The following LRRC4C variants were observed in gnomAD, a reference collection of about 807,000 sequenced individuals.
LRRC4C encodes the protein leucine rich repeat containing 4C.
A neutral mutation model predicts 33.6 loss-of-function variants in LRRC4C; 5 were observed. The ratio of observed to expected loss-of-function variants is 0.15; its 90% CI spans 0.08 to 0.31. The LOEUF (loss-of-function observed/expected upper bound fraction) is 0.31, where lower values mean the gene tolerates loss of function less well. Among genes scored for constraint, LRRC4C ranks in the 10% least tolerant of loss-of-function variants. The pLI is 1.00. For missense variants in LRRC4C, 560 were observed against 796.7 expected, an observed-to-expected ratio of 0.70 and a Z score of 3.58; for synonymous variants, 329 against 302.0, an observed-to-expected ratio of 1.09 and a Z score of -0.93.
At chr11:40,225,358 G>A (rs2135958459) in intron 5 of LRRC4C, among the ~76,000 whole-genome samples, 1 of 152,206 alleles carries the variant, frequency 6.6e-6, no homozygotes, top group Admixed American at 6.5e-5. Context: ...AGGGAAAATG[G>A]ACCTTTCCTA....
rs188830367 is a variant in LRRC4C, at chr11:40,764,698, C to T, written c.-406-116420G>A. On this transcript the variant is annotated intron_variant, in intron 2 of 6. Transcript: ENST00000528697. The stretch of plus-strand genomic sequence containing the variant: ...CCCAGTGGTGGTGGCCACAGGGGTG[C>T]TTGTGACACTACTCCCTACTCCAGG... Among the ~76,000 whole-genome samples the T allele has an allele frequency of 2.4e-4, 36 of 151,832 alleles. 1 individual carries two copies. The East Asian group carries it at 5.8e-3, about 25-fold the overall frequency.
intron 2 of LRRC4C, among the ~76,000 whole-genome samples, chr11:40,748,486 A>G (rs189511601): frequency 1.0e-3 from 156 of 152,218 alleles, no homozygotes; most frequent in African/African-American, 3.6e-3. Context: ...TGGTAAAGCA[A>G]ACACACAAAT....
At chr11:41,225,866 G>A (rs1472357734) in intron 1 of LRRC4C, among the ~76,000 whole-genome samples, 5 of 152,028 alleles carry the variant, frequency 3.3e-5, no homozygotes, top group African/African-American at 1.2e-4. Flanking sequence ...ACTATCACAG[G>A]AGGATATTTA....
chr11:40,438,927 T>C, intron 3 of LRRC4C, among the ~76,000 whole-genome samples: 1 of 48,358 alleles, frequency 2.1e-5, no homozygotes, highest in Non-Finnish European at 4.6e-5. Flanking sequence ...GAATTGCTAC[T>C]TTTTTTTTTT....
intron 2 of LRRC4C, among the ~76,000 whole-genome samples, chr11:40,890,441 G>A (rs1342168854): frequency 6.6e-6 from 1 of 152,140 alleles, no homozygotes; most frequent in Non-Finnish European, 1.5e-5. Context: ...ATCCACTCAT[G>A]AGGGCAAAGG....
At chr11:40,940,147 C>T (rs958594282) in intron 1 of LRRC4C, among the ~76,000 whole-genome samples, 3 of 152,126 alleles carry the variant, frequency 2.0e-5, no homozygotes, top group Admixed American at 2.0e-4. Context: ...TCCCTTTTTA[C>T]TCTACCTCAT....
At position 40,388,205 on chromosome 11, in the gene LRRC4C, T is replaced by C. The variant is rs190514710; in HGVS notation, c.-269-68484A>G. ...CCCTTTATAAAAAGGGGCAAAAAGA[T>C]GAGGCCCGGATAAGATGAATTATCA... On this transcript the variant is annotated intron_variant, in intron 3 of 6. Transcript: ENST00000528697. Among the ~76,000 whole-genome samples, 270 of 152,262 alleles carry C rather than the reference T, an allele frequency of 1.8e-3. 1 individual carries two copies. Among genetic ancestry groups the C allele is most frequent in the Middle Eastern group, 3.4e-3 (1 of 294 alleles).
intron 1 of LRRC4C, among the ~76,000 whole-genome samples, chr11:41,163,537 G>A (rs536731731): frequency 1.3e-5 from 2 of 151,476 alleles, no homozygotes; most frequent in East Asian, 1.9e-4. Context: ...GCTTACCTCG[G>A]CCTCCTAAAG....
chr11:40,556,757 C>T (rs1372892150), intron 3 of LRRC4C, among the ~76,000 whole-genome samples: 1 of 152,152 alleles, frequency 6.6e-6, no homozygotes, highest in African/African-American at 2.4e-5. Context: ...TCCACTTCAA[C>T]AGCTCAAATC....
chr11:40,357,951 G>A (rs552540128), intron 3 of LRRC4C, among the ~76,000 whole-genome samples: 37 of 152,208 alleles, frequency 2.4e-4, no homozygotes, highest in South Asian at 8.3e-4. Flanking sequence ...TTGGGAGGCC[G>A]AGGCAGGTGG....
At chr11:40,942,640 T>A (rs1958208873) in intron 1 of LRRC4C, among the ~76,000 whole-genome samples, 1 of 151,966 alleles carries the variant, frequency 6.6e-6, no homozygotes, top group African/African-American at 2.4e-5. Flanking sequence ...GCAAGGTGAG[T>A]TATACAAAGT....
intron 1 of LRRC4C, among the ~76,000 whole-genome samples, chr11:41,341,979 G>A (rs1951654793): frequency 6.6e-6 from 1 of 151,354 alleles, no homozygotes; most frequent in Non-Finnish European, 1.5e-5. Flanking sequence ...TATAATATCT[G>A]GGACATAGAG....
At chr11:40,583,795 A>T (rs1958581700) in intron 3 of LRRC4C, among the ~76,000 whole-genome samples, 1 of 151,882 alleles carries the variant, frequency 6.6e-6, no homozygotes, top group Non-Finnish European at 1.5e-5. Context: ...ATCAAACTTC[A>T]GTCCCACTTT....
intron 1 of LRRC4C, among the ~76,000 whole-genome samples, chr11:41,269,560 G>A (rs1949256912): frequency 6.6e-6 from 1 of 152,108 alleles, no homozygotes. Flanking sequence ...CCAGGGAGAA[G>A]GTAGTCTGGC....
intron 1 of LRRC4C, among the ~76,000 whole-genome samples, chr11:41,373,953 G>C (rs1952847855): frequency 6.6e-6 from 1 of 152,134 alleles, no homozygotes; most frequent in South Asian, 2.1e-4. Context: ...TTGGCATGTA[G>C]CTATATTAAT....
intron 5 of LRRC4C, among the ~76,000 whole-genome samples, chr11:40,192,492 C>T (rs1212651343): frequency 6.6e-6 from 1 of 152,182 alleles, no homozygotes; most frequent in African/African-American, 2.4e-5. Context: ...CCTTTACCAC[C>T]AGGACCCTGG....
At chr11:40,530,213 T>C (rs1255600791) in intron 3 of LRRC4C, among the ~76,000 whole-genome samples, 1 of 152,078 alleles carries the variant, frequency 6.6e-6, no homozygotes, top group South Asian at 2.1e-4. Context: ...TCTAAAATTA[T>C]GATTTTAATA....
chr11:41,335,115 C>T (rs1426236697), intron 1 of LRRC4C, among the ~76,000 whole-genome samples: 2 of 152,152 alleles, frequency 1.3e-5, no homozygotes, highest in East Asian at 1.9e-4. Flanking sequence ...TGCAGCCACA[C>T]CAAGTGAGTA....
At chr11:40,837,036 T>C (rs575543226) in intron 2 of LRRC4C, among the ~76,000 whole-genome samples, 46 of 152,166 alleles carry the variant, frequency 3.0e-4, no homozygotes, top group Non-Finnish European at 5.9e-4. Context: ...TAAAGAACGG[T>C]GTTAAAATCG....
Sources: allele counts gnomAD v4.1 joint callset (sites outside exome capture counted in the v4.1 genomes callset), GRCh38; gene constraint gnomAD v4.1.1; transcripts MANE v1.5; gene names NCBI Gene and HGNC (gene_info 2026-07-23, HGNC 2026-07-21).